NRXN3: variants seen among roughly 807,000 people sequenced by gnomAD.
The protein encoded by NRXN3 is neurexin III.
In NRXN3, 32 loss-of-function variants were observed where a neutral mutation model predicts 137.6. The ratio of observed to expected loss-of-function variants is 0.23; its 90% CI spans 0.18 to 0.31. The LOEUF is 0.31. Among genes scored for constraint, NRXN3 ranks in the 10% least tolerant of loss-of-function variants. NRXN3 has a pLI of 1.00. For synonymous variants in NRXN3, 798 were observed against 784.5 expected (o/e 1.02, Z -0.29); for missense variants, 1,574 against 2,062.5 (o/e 0.76, Z 4.59).
chr14:78,719,971 G>A (rs2098452205), intron 8 of NRXN3, among the ~76,000 whole-genome samples: 1 of 152,144 alleles, frequency 6.6e-6, no homozygotes, highest in Non-Finnish European at 1.5e-5. Flanking sequence ...AGTTTAGCTT[G>A]GAATTGCTAT....
chr14:79,002,593 C>A (rs1368418582), intron 15 of NRXN3, among the ~76,000 whole-genome samples: 2 of 151,952 alleles, frequency 1.3e-5, no homozygotes, highest in East Asian at 3.9e-4. Context: ...GTATATGTAT[C>A]ACATTTTCTT....
chr14:79,064,955 G>T (rs1317811924), intron 15 of NRXN3, among the ~76,000 whole-genome samples: 1 of 151,350 alleles, frequency 6.6e-6, no homozygotes, highest in African/African-American at 2.4e-5. Flanking sequence ...TAAAAATATT[G>T]AAAAGTTAAA....
chr14:78,705,414 G>A (rs1423326744), intron 6 of NRXN3, among the ~76,000 whole-genome samples: 1 of 152,164 alleles, frequency 6.6e-6, no homozygotes, highest in East Asian at 1.9e-4. Flanking sequence ...AGGTGGGGAA[G>A]GTGAAGATAT....
At chr14:79,775,553 GAAAA>G (rs749252781) in intron 19 of NRXN3, among the ~76,000 whole-genome samples, 2 of 69,016 alleles carry the variant, frequency 2.9e-5, no homozygotes, top group Non-Finnish European at 6.0e-5. Context: ...GGCTCTAACC[GAAAA>G]AAAAAAAAAA....
chr14:78,789,400 C>T (rs1017545761), intron 8 of NRXN3, among the ~76,000 whole-genome samples: 12 of 152,040 alleles, frequency 7.9e-5, no homozygotes, highest in East Asian at 1.9e-4. Flanking sequence ...TCGGTTGTCA[C>T]GACCAAAGGG....
chr14:79,260,427 C>T (rs1435950584), intron 15 of NRXN3, among the ~76,000 whole-genome samples: 1 of 152,102 alleles, frequency 6.6e-6, no homozygotes, highest in Admixed American at 6.6e-5. Context: ...ATTTAAGGCC[C>T]AGAGAACTAG....
rs1034791007 is a variant in NRXN3 at position 78,277,171 on chromosome 14, T to C, written c.710-1474T>C. On this transcript the variant is annotated intron_variant, in intron 2 of 20. Coordinates refer to ENST00000335750, the MANE Select transcript of NRXN3 (RefSeq NM_001330195.2). ...ACAGCTTAGTTGGTCAGCACCTGGA[T>C]TTCCTGGGGCAAGGGCCCTAAGGAC... 2.6e-5 allele frequency among the ~76,000 whole-genome samples: 4 copies of C among 152,306 alleles called. No individual in the cohort carries two copies. In the East Asian group the frequency reaches 7.7e-4, roughly 29 times the overall value.
intron 4 of NRXN3, among the ~76,000 whole-genome samples, chr14:78,324,831 G>A (rs539881746): frequency 6.6e-6 from 1 of 152,190 alleles, no homozygotes; most frequent in Non-Finnish European, 1.5e-5. Context: ...GGAGATGGGA[G>A]TGAAGGTTGT....
intron 15 of NRXN3, among the ~76,000 whole-genome samples, chr14:79,124,425 C>A (rs2056035239): frequency 6.6e-6 from 1 of 152,128 alleles, no homozygotes; most frequent in Non-Finnish European, 1.5e-5. Flanking sequence ...ATTATTTAAT[C>A]TCTGACAGAT....
chr14:79,292,929 T>G (rs1476898411), intron 15 of NRXN3, among the ~76,000 whole-genome samples: 1 of 152,200 alleles, frequency 6.6e-6, no homozygotes, highest in Non-Finnish European at 1.5e-5. Flanking sequence ...CATTTATCAG[T>G]GCAGTGTTGT....
intron 4 of NRXN3, among the ~76,000 whole-genome samples, chr14:78,427,770 C>A (rs1008018496): frequency 6.6e-6 from 1 of 152,154 alleles, no homozygotes; most frequent in Non-Finnish European, 1.5e-5. Flanking sequence ...TCAATCAGAG[C>A]CCAGGCTAAG....
At chr14:79,070,909 G>T (rs1268334560) in intron 15 of NRXN3, among the ~76,000 whole-genome samples, 2 of 152,250 alleles carry the variant, frequency 1.3e-5, no homozygotes, top group East Asian at 1.9e-4. Flanking sequence ...TTCTGGGATG[G>T]AGCAAACATG....
chr14:79,814,599 T>C (rs2099246118), intron 20 of NRXN3, among the ~76,000 whole-genome samples: 2 of 152,224 alleles, frequency 1.3e-5, no homozygotes, highest in Admixed American at 1.3e-4. Context: ...TTGTTGATTA[T>C]TTTTGGTATG....
intron 16 of NRXN3, among the ~76,000 whole-genome samples, chr14:79,634,438 T>C (rs979779290): frequency 5.3e-5 from 8 of 152,230 alleles, no homozygotes; most frequent in Non-Finnish European, 1.2e-4. Context: ...GAAAATAATG[T>C]CTTTAAAATA....
At chr14:78,338,250 C>G (rs559914748) in intron 4 of NRXN3, among the ~76,000 whole-genome samples, 28 of 152,238 alleles carry the variant, frequency 1.8e-4, no homozygotes, top group Non-Finnish European at 4.0e-4. Flanking sequence ...GACTACATTT[C>G]AAATGATGAA....
intron 1 of NRXN3, among the ~76,000 whole-genome samples, chr14:78,172,539 G>A (rs940636144): frequency 5.3e-5 from 8 of 152,116 alleles, no homozygotes; most frequent in Non-Finnish European, 7.3e-5. Context: ...GGTGCTGGTT[G>A]TGCAGATATT....
intron 10 of NRXN3, among the ~76,000 whole-genome samples, chr14:78,918,301 AAAAAAAGAG>A (rs1567700135): frequency 6.7e-6 from 1 of 148,830 alleles, no homozygotes; most frequent in African/African-American, 2.6e-5. Flanking sequence ...AAAAAAAAAA[AAAAAAAGAG>A]AGAGAGAGAG....
intron 15 of NRXN3, among the ~76,000 whole-genome samples, chr14:79,230,067 C>G (rs2071865838): frequency 6.6e-6 from 1 of 152,108 alleles, no homozygotes; most frequent in Non-Finnish European, 1.5e-5. Flanking sequence ...TAACTAAATG[C>G]AGCAATCTGC....
At chr14:79,127,224 G>T (rs1738877096) in intron 15 of NRXN3, among the ~76,000 whole-genome samples, 2 of 152,070 alleles carry the variant, frequency 1.3e-5, no homozygotes, top group Non-Finnish European at 1.5e-5. Flanking sequence ...CATTGCTTTT[G>T]GTGTTTTAGA....
Sources: gnomAD v4.1 joint callset for allele counts (sites outside exome capture counted in the v4.1 genomes callset) on GRCh38, gnomAD v4.1.1 for gene constraint, MANE v1.5 for transcripts, NCBI Gene and HGNC (gene_info 2026-07-23, HGNC 2026-07-21) for gene names.